PCDH9: variants seen among roughly 807,000 people sequenced by gnomAD.
The protein encoded by PCDH9 is protocadherin 9, also known as protocadherin-9.
PCDH9 carries 24 observed loss-of-function variants against 70.6 expected under a neutral mutation model. The observed-to-expected ratio is 0.34, with a 90% CI of 0.25 to 0.48. PCDH9 has a LOEUF of 0.48. Among genes scored for constraint, PCDH9 ranks in the 20% least tolerant of loss-of-function variants. PCDH9 has a pLI of 0.99. For missense variants in PCDH9, 1,281 were observed against 1,503.6 expected (o/e 0.85, Z 2.45); for synonymous variants, 562 against 558.5 (o/e 1.01, Z -0.09).
chr13:66,537,210 C>T lies in PCDH9; in HGVS notation c.3340+94000G>A, dbSNP rs117307275. Among the ~76,000 whole-genome samples, 650 of 152,096 alleles carry T rather than the reference C, an allele frequency of 4.3e-3. 14 individuals are homozygous for T. Among genetic ancestry groups the T allele is most frequent in the East Asian group, 0.011 (59 of 5,176 alleles). On this transcript the variant is annotated intron_variant, in intron 4 of 4. Coordinates refer to ENST00000377865, the MANE Select transcript of PCDH9 (RefSeq NM_203487.3). ...GCATTGTACGCACTGATCATGAGCA[C>T]CCCTGAGTCTTCAGGGCTCATTAGT...
chr13:67,001,118 G>A (rs2875516), intron 2 of PCDH9, among the ~76,000 whole-genome samples: 147,628 of 152,274 alleles, frequency 0.97, 71,722 homozygotes, highest in East Asian at 1. Flanking sequence ...CGATACAGAA[G>A]TAAGTGTGTC....
At chr13:66,638,077 T>C in intron 3 of PCDH9, among the ~76,000 whole-genome samples, 1 of 152,186 alleles carries the variant, frequency 6.6e-6, no homozygotes, top group Admixed American at 6.5e-5. Context: ...TGCTCATTCA[T>C]CTCTTCACTT....
intron 4 of PCDH9, among the ~76,000 whole-genome samples, chr13:66,623,019 T>G (rs2077448438): frequency 6.6e-6 from 1 of 152,076 alleles, no homozygotes; most frequent in Non-Finnish European, 1.5e-5. Flanking sequence ...GTCTGCAGCT[T>G]CACTCCTGAA....
intron 2 of PCDH9, among the ~76,000 whole-genome samples, chr13:66,947,844 G>A (rs953422435): frequency 1.3e-5 from 2 of 152,042 alleles, no homozygotes; most frequent in African/African-American, 4.8e-5. Flanking sequence ...TGCTTTATTT[G>A]GGAAGCAGTC....
At chr13:66,317,023 C>T (rs1047318583) in intron 4 of PCDH9, among the ~76,000 whole-genome samples, 1 of 152,064 alleles carries the variant, frequency 6.6e-6, no homozygotes, top group African/African-American at 2.4e-5. Context: ...GTGCCCGGCC[C>T]GCTAGCTTTG....
intron 4 of PCDH9, among the ~76,000 whole-genome samples, chr13:66,386,295 A>C (rs1956928379): frequency 6.6e-6 from 1 of 151,916 alleles, no homozygotes. Flanking sequence ...CCATTACTTA[A>C]GTTTGCTTTT....
chr13:66,608,181 T>C (rs1370551128), intron 4 of PCDH9, among the ~76,000 whole-genome samples: 3 of 150,100 alleles, frequency 2.0e-5, no homozygotes, highest in Non-Finnish European at 4.5e-5. Context: ...TGTGTATATA[T>C]AGGTATATAC....
At chr13:67,062,973 T>C (rs2085568153) in intron 2 of PCDH9, among the ~76,000 whole-genome samples, 1 of 152,174 alleles carries the variant, frequency 6.6e-6, no homozygotes, top group Admixed American at 6.6e-5. Context: ...GGTGAAATTA[T>C]GATGGTATTA....
At chr13:67,152,403 GA>G (rs1406529344) in intron 2 of PCDH9, among the ~76,000 whole-genome samples, 9 of 152,120 alleles carry the variant, frequency 5.9e-5, no homozygotes, top group Non-Finnish European at 1.0e-4. Flanking sequence ...TATTGATAAA[GA>G]AAAATTTACA....
intron 4 of PCDH9, among the ~76,000 whole-genome samples, chr13:66,541,477 G>GA (rs889527488): frequency 6.6e-6 from 1 of 151,830 alleles, no homozygotes; most frequent in Non-Finnish European, 1.5e-5. Context: ...AAGGCACTAG[G>GA]AAAAAAAATA....
At chr13:66,850,376 G>A (rs2081295755) in intron 3 of PCDH9, among the ~76,000 whole-genome samples, 2 of 152,064 alleles carry the variant, frequency 1.3e-5, no homozygotes, top group Admixed American at 1.3e-4. Flanking sequence ...GAAACTAGCT[G>A]GGCATGGTGG....
intron 3 of PCDH9, among the ~76,000 whole-genome samples, chr13:66,710,652 A>C (rs1364566008): frequency 6.6e-6 from 1 of 152,116 alleles, no homozygotes. Context: ...ATAACCTTAC[A>C]TTTTCATAGG....
chr13:66,792,330 T>C (rs941367191), intron 3 of PCDH9, among the ~76,000 whole-genome samples: 1 of 152,168 alleles, frequency 6.6e-6, no homozygotes, highest in Non-Finnish European at 1.5e-5. Context: ...ATTGTACTCC[T>C]ATAGAGTTAG....
chr13:66,899,326 C>A (rs957893114), intron 3 of PCDH9, among the ~76,000 whole-genome samples: 4 of 151,948 alleles, frequency 2.6e-5, no homozygotes, highest in Non-Finnish European at 4.4e-5. Context: ...ATGATAACTG[C>A]CACATTTCCA....
intron 2 of PCDH9, chr13:67,207,349 C>T (rs1262064451): frequency 1.3e-5 from 2 of 152,036 alleles, no homozygotes; most frequent in Non-Finnish European, 2.9e-5. Flanking sequence ...GGGTTGGAAC[C>T]GTAAACTATT....
intron 3 of PCDH9, among the ~76,000 whole-genome samples, chr13:66,785,716 G>C (rs912857052): frequency 2.0e-5 from 3 of 151,890 alleles, no homozygotes; most frequent in Non-Finnish European, 2.9e-5. Context: ...TGACAAAAAG[G>C]GTGAGTATTA....
chr13:67,119,482 CTAATA>C (rs1384074586), intron 2 of PCDH9, among the ~76,000 whole-genome samples: 1 of 151,720 alleles, frequency 6.6e-6, no homozygotes, highest in Non-Finnish European at 1.5e-5. Context: ...TAGACATTGT[CTAATA>C]TAAGGTAAAT....
intron 2 of PCDH9, among the ~76,000 whole-genome samples, chr13:67,007,920 A>G (rs924876409): frequency 6.6e-6 from 1 of 152,176 alleles, no homozygotes; most frequent in African/African-American, 2.4e-5. Context: ...CAACTGGTAC[A>G]TGGAAAATGC....
At chr13:66,931,231 T>C (rs985452584) in intron 2 of PCDH9, among the ~76,000 whole-genome samples, 2 of 152,180 alleles carry the variant, frequency 1.3e-5, no homozygotes, top group African/African-American at 4.8e-5. Context: ...ATTCCATTTA[T>C]ATATGTCACC....
Sources: gnomAD v4.1 joint callset for allele counts (sites outside exome capture counted in the v4.1 genomes callset) on GRCh38, gnomAD v4.1.1 for gene constraint, MANE v1.5 for transcripts, NCBI Gene and HGNC (gene_info 2026-07-23, HGNC 2026-07-21) for gene names.